Variants in NBAS observed in about 807,000 individuals in gnomAD.
NBAS encodes NAG/BC035112 fusion.
NBAS carries 219 observed loss-of-function variants against 302.5 expected under a neutral mutation model. The ratio of observed to expected loss-of-function variants is 0.72; its 90% CI spans 0.65 to 0.81. The LOEUF (loss-of-function observed/expected upper bound fraction) is 0.81. Ranked by LOEUF, NBAS falls within the 30% of genes least tolerant of loss-of-function variation. NBAS has a pLI of 0.00. For synonymous variants in NBAS, 1,118 were observed against 1,021.6 expected (o/e 1.09, Z -1.80); for missense variants, 2,932 against 2,841.6 (o/e 1.03, Z -0.72).
chr2:15,554,118 G>A lies in NBAS; in HGVS notation c.230C>T (p.Pro77Leu). 1.9e-6 allele frequency: 3 copies of A among 1,613,698 alleles called. No homozygotes were observed. Among genetic ancestry groups the A allele is most frequent in the Non-Finnish European group, 2.5e-6 (3 of 1,179,800 alleles). The change falls in exon 4 of 52, where the codon CCT becomes CTT. Residue 77 changes from proline to leucine, a missense_variant. By Grantham distance (98) the Pro-to-Leu change is moderately conservative. Transcript: ENST00000281513. ...IWYSPAPFLL[P>L]DGLVRLVNKQ... ...ATTAACCAAGCGAACCAGTCCATCA[G>A]GGAGCAAAAAAGGTGCCGGGCTGAA...
At chr2:15,171,608 T>C (rs1664293837) in intron 51 of NBAS, among the ~76,000 whole-genome samples, 1 of 152,234 alleles carries the variant, frequency 6.6e-6, no homozygotes, top group Non-Finnish European at 1.5e-5. Flanking sequence ...ATTATCGGCA[T>C]AGGACAAGTT....
At chr2:15,443,971 G>T (rs1345444293) in intron 21 of NBAS, among the ~76,000 whole-genome samples, 50 of 151,722 alleles carry the variant, frequency 3.3e-4, no homozygotes, top group Non-Finnish European at 1.5e-4. Flanking sequence ...TCTTCAAGGA[G>T]AACTACAAAC....
At chr2:15,109,630 C>A in the NBAS span, among the ~76,000 whole-genome samples, 1 of 152,094 alleles carries the variant, frequency 6.6e-6, no homozygotes, top group African/African-American at 2.4e-5. Context: ...GGGTGGTGAG[C>A]ACCCTCTTCC....
the NBAS span, among the ~76,000 whole-genome samples, chr2:14,909,366 T>TAAAAAAAAAAAAAAAAAAAAAAAAAAAAA: frequency 8.9e-5 from 7 of 78,578 alleles, no homozygotes; most frequent in African/African-American, 3.3e-4. Flanking sequence ...GGAGAGTTTC[T>TAAAAAAAAAAAAAAAAAAAAAAAAAAAAA]AAAAAAAAAA....
chr2:14,884,134 C>G, the NBAS span, among the ~76,000 whole-genome samples: 1 of 152,112 alleles, frequency 6.6e-6, no homozygotes, highest in Non-Finnish European at 1.5e-5. Context: ...CCACAACCAC[C>G]ATGGTCCAAC....
the NBAS span, among the ~76,000 whole-genome samples, chr2:14,972,825 A>G: frequency 1.3e-5 from 2 of 152,222 alleles, no homozygotes; most frequent in Non-Finnish European, 2.9e-5. Context: ...TAAGTTAAAG[A>G]TCACTGTAAC....
chr2:15,561,161 C>A, intron 1 of NBAS, 27 bp downstream of exon 1: 10 of 1,604,452 alleles, frequency 6.2e-6, no homozygotes, highest in Non-Finnish European at 8.5e-6. Flanking sequence ...GCCAAGCTGG[C>A]TGCTGCTGTA....
the NBAS span, among the ~76,000 whole-genome samples, chr2:14,987,976 C>A: frequency 2.0e-5 from 3 of 152,148 alleles, no homozygotes; most frequent in Non-Finnish European, 4.4e-5. Flanking sequence ...AGCTTTCTCT[C>A]CCATTTTCTG....
chr2:15,444,172 C>T (rs1572861590), intron 21 of NBAS, among the ~76,000 whole-genome samples: 2 of 151,788 alleles, frequency 1.3e-5, no homozygotes, highest in East Asian at 3.9e-4. Context: ...TCATATGGAA[C>T]CAAAAAAGAG....
the NBAS span, among the ~76,000 whole-genome samples, chr2:15,115,987 A>G: frequency 6.6e-6 from 1 of 152,182 alleles, no homozygotes; most frequent in Non-Finnish European, 1.5e-5. Flanking sequence ...AGGTTACATA[A>G]TGCCTTAGTT....
chr2:15,475,694 C>T lies in NBAS; in HGVS notation c.1334G>A (p.Ser445Asn), dbSNP rs1680158695. ...VTATHDGGFL[S>N]LECEIKLAPK... is the part of the protein sequence containing the mutation. ...AACAGGAAAAAGCCTTACCTCCAAA[C>T]TTAAAAATCCCCCATCATGGGTAGC... is the stretch of plus-strand genomic sequence containing the variant. Residue 445 changes from serine to asparagine, a missense_variant, in exon 14 of 52, where the codon AGT becomes AAT. Physicochemically the swap from Ser to Asn is conservative, Grantham distance 46. Transcript: ENST00000281513. 6.2e-7 allele frequency: 1 copy of T among 1,614,024 alleles called. No individual in the cohort carries two copies. Among genetic ancestry groups the T allele is most frequent in the East Asian group, 2.2e-5 (1 of 44,852 alleles).
Position 15,461,643 on chromosome 2 carries a change from A to C in NBAS, c.2202+44T>G, listed in dbSNP as rs547467389. On this transcript the variant is annotated intron_variant, in intron 20 of 51. Coordinates refer to ENST00000281513, the MANE Select transcript of NBAS (RefSeq NM_015909.4). ...AACTGCACAGCTCAAAGATTTAGAGAGTGTTAATAACCATAATTATTTTAT... is the reference window on the plus strand; with the variant it reads ...AACTGCACAGCTCAAAGATTTAGAGCGTGTTAATAACCATAATTATTTTAT... The C allele has an allele frequency of 7.2e-6, 8 of 1,118,286 alleles. No individual in the cohort carries two copies. The East Asian group carries it at 1.5e-4, about 20-fold the overall frequency. 69.3% of individuals were successfully genotyped at this position (1,118,286 alleles called of 1,614,324 possible).
the NBAS span, among the ~76,000 whole-genome samples, chr2:14,861,358 A>C: frequency 6.6e-6 from 1 of 152,256 alleles, no homozygotes; most frequent in Admixed American, 6.5e-5. Flanking sequence ...CGAAGGAGCC[A>C]CAGGAATTTA....
At chr2:15,234,376 T>C (rs543759357) in intron 46 of NBAS, among the ~76,000 whole-genome samples, 169 bp downstream of exon 46, 1 of 152,338 alleles carries the variant, frequency 6.6e-6, no homozygotes, top group Admixed American at 6.5e-5. Context: ...AACATTTTCA[T>C]GGTCTCCCTT....
At chr2:14,911,507 GGATAAT>G in the NBAS span, among the ~76,000 whole-genome samples, 3 of 152,138 alleles carry the variant, frequency 2.0e-5, no homozygotes, top group Non-Finnish European at 4.4e-5. Flanking sequence ...TGGCAGTACA[GGATAAT>G]GTATCGGTTT....
intron 21 of NBAS, among the ~76,000 whole-genome samples, chr2:15,441,541 G>A (rs1292838636): frequency 1.3e-5 from 2 of 151,992 alleles, no homozygotes; most frequent in Non-Finnish European, 2.9e-5. Context: ...GGTACCAGCT[G>A]CTGCAAAATC....
the NBAS span, among the ~76,000 whole-genome samples, chr2:14,936,706 T>C: frequency 6.6e-6 from 1 of 152,106 alleles, no homozygotes; most frequent in Non-Finnish European, 1.5e-5. Context: ...TGGTAGTTGA[T>C]GGGAGGTAAC....
the NBAS span, among the ~76,000 whole-genome samples, chr2:15,126,889 C>T: frequency 1.3e-5 from 2 of 152,178 alleles, no homozygotes; most frequent in Non-Finnish European, 2.9e-5. Context: ...CTCCACTTCA[C>T]AAAGGAGGAA....
the NBAS span, among the ~76,000 whole-genome samples, chr2:15,024,917 T>C: frequency 6.6e-6 from 1 of 152,324 alleles, no homozygotes; most frequent in South Asian, 2.1e-4. Flanking sequence ...GTAGATTGAC[T>C]GTTTACCCTG....
Sources: allele counts gnomAD v4.1 joint callset (sites outside exome capture counted in the v4.1 genomes callset), GRCh38; gene constraint gnomAD v4.1.1; transcripts MANE v1.5; gene names NCBI Gene and HGNC (gene_info 2026-07-23, HGNC 2026-07-21).